Variants in RCOR1 observed in about 807,000 individuals in gnomAD.
The protein encoded by RCOR1 is REST corepressor.
Under a neutral mutation model 64.0 loss-of-function variants are expected in RCOR1, and 12 were observed. That is an observed-to-expected ratio of 0.19 (90% CI 0.12 to 0.30). The LOEUF (loss-of-function observed/expected upper bound fraction) is 0.30, where lower values mean the gene tolerates loss of function less well. Ranked by LOEUF, RCOR1 falls within the 10% of genes least tolerant of loss-of-function variation. The pLI is 1.00. For synonymous variants in RCOR1, 279 were observed against 227.2 expected (o/e 1.23, Z -2.05); for missense variants, 502 against 621.2 (o/e 0.81, Z 2.04).
chr14:102,711,524 T>C (rs531386854), intron 7 of RCOR1, among the ~76,000 whole-genome samples: 11 of 152,246 alleles, frequency 7.2e-5, no homozygotes, highest in South Asian at 4.1e-4. Context: ...TTTCATCTTA[T>C]CATTTTAAAA....
chr14:102,669,241 G>A (rs200210031), intron 2 of RCOR1, among the ~76,000 whole-genome samples: 1 of 151,496 alleles, frequency 6.6e-6, no homozygotes, highest in Non-Finnish European at 1.5e-5. Context: ...CCCAGGAGGC[G>A]GAGGTTGCAG....
intron 2 of RCOR1, among the ~76,000 whole-genome samples, chr14:102,636,786 A>T (rs1264300395): frequency 6.6e-6 from 1 of 151,290 alleles, no homozygotes; most frequent in Non-Finnish European, 1.5e-5. Flanking sequence ...CCTGGCCAAC[A>T]TGGTGAAACC....
chr14:102,716,547 A>G (rs960004786), intron 8 of RCOR1, among the ~76,000 whole-genome samples: 1 of 152,222 alleles, frequency 6.6e-6, no homozygotes, highest in Non-Finnish European at 1.5e-5. Context: ...ATGTCGGATT[A>G]ATAGTCACTG....
chr14:102,607,610 G>A (rs900837122), intron 2 of RCOR1, among the ~76,000 whole-genome samples: 16 of 152,104 alleles, frequency 1.1e-4, no homozygotes, highest in African/African-American at 3.9e-4. Flanking sequence ...CTAGCCAGGC[G>A]TGGTTGCTCA....
chr14:102,613,882 A>ATGCTT (rs1893689666), intron 2 of RCOR1, among the ~76,000 whole-genome samples: 1 of 92,400 alleles, frequency 1.1e-5, no homozygotes, highest in African/African-American at 4.3e-5. Context: ...TGAATTAACT[A>ATGCTT]TTCTTTTTTT....
chr14:102,660,753 G>A (rs920632529), intron 2 of RCOR1, among the ~76,000 whole-genome samples: 1 of 152,126 alleles, frequency 6.6e-6, no homozygotes, highest in African/African-American at 2.4e-5. Flanking sequence ...ACAGCATCTG[G>A]TTTTTGGCTG....
intron 2 of RCOR1, among the ~76,000 whole-genome samples, chr14:102,664,406 T>C (rs962703073): frequency 5.3e-5 from 8 of 152,232 alleles, no homozygotes; most frequent in Admixed American, 1.3e-4. Flanking sequence ...TGAGCCACCA[T>C]GCCTGGCTTT....
chr14:102,625,309 C>T (rs191412581), intron 2 of RCOR1, among the ~76,000 whole-genome samples: 2 of 140,870 alleles, frequency 1.4e-5, no homozygotes, highest in East Asian at 2.1e-4. Flanking sequence ...GATCTTGGCT[C>T]GCCGCAACCT....
At chr14:102,675,238 T>C (rs922908091) in intron 2 of RCOR1, among the ~76,000 whole-genome samples, 3 of 152,112 alleles carry the variant, frequency 2.0e-5, no homozygotes, top group Non-Finnish European at 2.9e-5. Context: ...TGTTAAGACA[T>C]GTATACAATA....
chr14:102,674,655 A>G (rs1043515542), intron 2 of RCOR1, among the ~76,000 whole-genome samples: 1 of 152,160 alleles, frequency 6.6e-6, no homozygotes, highest in Non-Finnish European at 1.5e-5. Flanking sequence ...GTACAGCCCT[A>G]CTAGCCGTGT....
At chr14:102,633,289 CAGTTCAT>C (rs1894166023) in intron 2 of RCOR1, among the ~76,000 whole-genome samples, 1 of 152,106 alleles carries the variant, frequency 6.6e-6, no homozygotes, top group Admixed American at 6.5e-5. Flanking sequence ...AAGGCTTTCA[CAGTTCAT>C]ATGTGATCTG....
In RCOR1 at chr14:102,592,787, C is replaced by G; in HGVS notation, c.-100C>G. The G allele has an allele frequency of 6.7e-6, 8 of 1,193,654 alleles. No homozygotes were observed. Among genetic ancestry groups the G allele is most frequent in the South Asian group, 4.2e-5 (1 of 24,032 alleles). 73.9% of individuals were successfully genotyped at this position (1,193,654 alleles called of 1,614,324 possible). ...CGCCCGTGGGCTCCCGCCGCGCCCG[C>G]CCGGCCCCGCGCCGGCCCCGCGCCC... On this transcript the variant is annotated 5_prime_UTR_variant, in exon 1 of 12. Transcript: ENST00000262241.
chr14:102,714,386 T>C (rs1371147103), intron 7 of RCOR1, 37 bp from the exon 8 acceptor site: 1 of 1,422,176 alleles, frequency 7.0e-7, no homozygotes, highest in South Asian at 1.4e-5. Context: ...ATTTGACTTT[T>C]TTTAAGTTTC....
At chr14:102,597,329 CTT>C (rs1893276219) in intron 2 of RCOR1, among the ~76,000 whole-genome samples, 3 of 151,460 alleles carry the variant, frequency 2.0e-5, no homozygotes, top group African/African-American at 7.3e-5. Context: ...AGGAATTTGA[CTT>C]TGATTTTTTT....
intron 2 of RCOR1, among the ~76,000 whole-genome samples, chr14:102,669,264 G>A (rs535962897): frequency 5.6e-4 from 84 of 150,256 alleles, no homozygotes; most frequent in African/African-American, 2.0e-3. Flanking sequence ...AGCTGAGATC[G>A]CGCCACTGCA....
At chr14:102,623,778 T>C (rs1435898375) in intron 2 of RCOR1, among the ~76,000 whole-genome samples, 1 of 150,404 alleles carries the variant, frequency 6.6e-6, no homozygotes, top group Non-Finnish European at 1.5e-5. Flanking sequence ...AAAGGGAAGC[T>C]GGGTGCGGTG....
At chr14:102,701,189 C>A in intron 3 of RCOR1, 89 bp from the exon 4 acceptor site, 1 of 1,078,810 alleles carries the variant, frequency 9.3e-7, no homozygotes, top group Non-Finnish European at 1.4e-6. Context: ...ATCAGCAGGC[C>A]TGAAATATAC....
At chr14:102,661,923 AT>A (rs879429350) in intron 2 of RCOR1, among the ~76,000 whole-genome samples, 57 of 148,710 alleles carry the variant, frequency 3.8e-4, no homozygotes, top group African/African-American at 8.6e-4. Context: ...TGCCTTGCTA[AT>A]TTTTTTTTTT....
Position 102,625,564 on chromosome 14 carries a change from C to T in RCOR1, c.361+32239C>T, listed in dbSNP as rs114309866. ...TTTTTTTTTTAAATAGAGACAGTGT[C>T]TCACTATGTTGGCCAGGTTGGTCTT... On this transcript the variant is annotated intron_variant, in intron 2 of 11. Transcript: ENST00000262241. Among the ~76,000 whole-genome samples, 1,400 of 150,218 alleles carry T rather than the reference C, an allele frequency of 9.3e-3. 22 individuals carry two copies. Among genetic ancestry groups the T allele is most frequent in the African/African-American group, 0.032 (1,323 of 40,870 alleles).
Sources: gnomAD v4.1 joint callset for allele counts (sites outside exome capture counted in the v4.1 genomes callset) on GRCh38, gnomAD v4.1.1 for gene constraint, MANE v1.5 for transcripts, NCBI Gene and HGNC (gene_info 2026-07-23, HGNC 2026-07-21) for gene names.